Variants in DENND1A observed in about 807,000 individuals in gnomAD.
DENND1A encodes the protein DENN domain containing 1A, also known as DENN domain-containing protein 1A.
In DENND1A, 51 loss-of-function variants were observed where a neutral mutation model predicts 113.7. The ratio of observed to expected loss-of-function variants is 0.45; its 90% CI spans 0.36 to 0.57. DENND1A has a LOEUF of 0.57. Among genes scored for constraint, DENND1A ranks in the 20% least tolerant of loss-of-function variants. The probability of loss-of-function intolerance (pLI) is 0.00; values close to 1 mark genes in which losing one functional copy is unlikely to be tolerated. For synonymous variants in DENND1A, 565 were observed against 570.8 expected (o/e 0.99, Z 0.14); for missense variants, 1,258 against 1,395.9 (o/e 0.90, Z 1.57).
At chr9:123,857,254 C>T (rs2133232427) in intron 2 of DENND1A, among the ~76,000 whole-genome samples, 1 of 152,266 alleles carries the variant, frequency 6.6e-6, no homozygotes, top group Middle Eastern at 3.4e-3. Flanking sequence ...ATGATGAGGA[C>T]CAGTCAAAAG....
chr9:123,889,522 C>T lies in DENND1A; in HGVS notation c.18-10501G>A, dbSNP rs536632574. On this transcript the variant is annotated intron_variant, in intron 1 of 23. Coordinates refer to ENST00000394215, the MANE Select transcript of DENND1A (RefSeq NM_001352964.2). ...TAAAAGCAATCCAGAAAATAGGGAA[C>T]TATCCGAATAGAAACATTAGTCTAG... Among the ~76,000 whole-genome samples the T allele has an allele frequency of 5.9e-5, 9 of 152,148 alleles. No homozygotes were observed. In the South Asian group the frequency reaches 1.9e-3, roughly 32 times the overall value.
intron 13 of DENND1A, among the ~76,000 whole-genome samples, chr9:123,495,110 T>C (rs1236307304): frequency 1.3e-5 from 2 of 150,796 alleles, no homozygotes. Context: ...TTCTCTTGTA[T>C]GTCTATCTAT....
At chr9:123,441,054 T>C (rs1335965642) in intron 18 of DENND1A, among the ~76,000 whole-genome samples, 1 of 152,222 alleles carries the variant, frequency 6.6e-6, no homozygotes, top group Non-Finnish European at 1.5e-5. Flanking sequence ...GCAGTTTTTC[T>C]TTCTTTCATA....
chr9:123,539,673 G>A (rs1046391903), intron 13 of DENND1A, among the ~76,000 whole-genome samples: 8 of 152,044 alleles, frequency 5.3e-5, no homozygotes, highest in African/African-American at 1.9e-4. Context: ...CATGAGGTCA[G>A]GAGAGCGAGA....
intron 5 of DENND1A, among the ~76,000 whole-genome samples, chr9:123,729,782 A>G (rs1005032009): frequency 2.6e-5 from 4 of 152,212 alleles, no homozygotes; most frequent in African/African-American, 4.8e-5. Flanking sequence ...TGGAACCAAA[A>G]AAGAGCCTGC....
intron 12 of DENND1A, among the ~76,000 whole-genome samples, chr9:123,572,679 T>C (rs2058424237): frequency 6.6e-6 from 1 of 152,236 alleles, no homozygotes; most frequent in Non-Finnish European, 1.5e-5. Context: ...TTTTTAAATA[T>C]ATTTTGGATA....
At chr9:123,716,447 G>T (rs1488682661) in intron 5 of DENND1A, among the ~76,000 whole-genome samples, 5 of 152,196 alleles carry the variant, frequency 3.3e-5, no homozygotes, top group Admixed American at 3.3e-4. Context: ...GGAGCCTGCA[G>T]AGCCATCACA....
At chr9:123,455,276 C>T (rs1402357080) in intron 15 of DENND1A, among the ~76,000 whole-genome samples, 1 of 152,218 alleles carries the variant, frequency 6.6e-6, no homozygotes, top group Non-Finnish European at 1.5e-5. Flanking sequence ...AGCCACCTCA[C>T]TGCCTGCTGG....
chr9:123,401,840 C>T (rs752962665), intron 21 of DENND1A: 18 of 1,614,056 alleles, frequency 1.1e-5, no homozygotes, highest in Middle Eastern at 1.6e-4. Context: ...AGCCTCTCGT[C>T]GGGAACTTGG....
At chr9:123,920,792 C>T (rs1370059559) in intron 1 of DENND1A, among the ~76,000 whole-genome samples, 1 of 151,288 alleles carries the variant, frequency 6.6e-6, no homozygotes, top group Admixed American at 6.6e-5. Flanking sequence ...CAACTGATCT[C>T]GAACTCCTGA....
chr9:123,514,583 A>G (rs575855290), intron 13 of DENND1A, among the ~76,000 whole-genome samples: 1 of 152,302 alleles, frequency 6.6e-6, no homozygotes, highest in Admixed American at 6.5e-5. Context: ...AAATAACCAA[A>G]TATATTAGGA....
intron 1 of DENND1A, among the ~76,000 whole-genome samples, chr9:123,910,406 C>T (rs1303012349): frequency 6.6e-6 from 1 of 152,072 alleles, no homozygotes; most frequent in African/African-American, 2.4e-5. Context: ...TGGACAACCA[C>T]ATGAGGGAAG....
chr9:123,707,132 C>T (rs1459477095), intron 5 of DENND1A, among the ~76,000 whole-genome samples: 1 of 152,148 alleles, frequency 6.6e-6, no homozygotes, highest in Admixed American at 6.5e-5. Context: ...CGGTGGCTCA[C>T]GCCTGTAATC....
chr9:123,511,427 C>G (rs901583404), intron 13 of DENND1A, among the ~76,000 whole-genome samples: 1 of 152,220 alleles, frequency 6.6e-6, no homozygotes, highest in Admixed American at 6.5e-5. Context: ...TTGCCTGTTG[C>G]ACGGGACTAG....
chr9:123,716,417 CGAA>C (rs2066980186), intron 5 of DENND1A, among the ~76,000 whole-genome samples: 2 of 152,186 alleles, frequency 1.3e-5, no homozygotes, highest in African/African-American at 4.8e-5. Flanking sequence ...TTTAAAAGGA[CGAA>C]GGAGGGGGGA....
intron 1 of DENND1A, among the ~76,000 whole-genome samples, chr9:123,925,181 C>T (rs1856887357): frequency 6.6e-6 from 1 of 152,158 alleles, no homozygotes; most frequent in East Asian, 1.9e-4. Flanking sequence ...TAACACAATT[C>T]CTGGCATTTA....
At chr9:123,619,988 G>A (rs981539020) in intron 10 of DENND1A, among the ~76,000 whole-genome samples, 3 of 151,856 alleles carry the variant, frequency 2.0e-5, no homozygotes, top group Admixed American at 6.5e-5. Context: ...CAAGGTGGGC[G>A]GATCATTTGA....
chr9:123,401,356 G>A (rs1338657000), intron 21 of DENND1A: 1 of 357,378 alleles, frequency 2.8e-6, no homozygotes, highest in Non-Finnish European at 4.1e-6. Context: ...GGGTGGGGAA[G>A]CAGCATGGGA....
At chr9:123,771,403 A>G (rs1829705022) in intron 3 of DENND1A, among the ~76,000 whole-genome samples, 1 of 152,178 alleles carries the variant, frequency 6.6e-6, no homozygotes, top group Non-Finnish European at 1.5e-5. Flanking sequence ...TTCCACTTCA[A>G]GTTTTGAATA....
Sources: allele counts gnomAD v4.1 joint callset (sites outside exome capture counted in the v4.1 genomes callset), GRCh38; gene constraint gnomAD v4.1.1; transcripts MANE v1.5; gene names NCBI Gene and HGNC (gene_info 2026-07-23, HGNC 2026-07-21).